NBPF3: variants seen among roughly 807,000 people sequenced by gnomAD.
NBPF3 encodes NBPF family member NBPF3.
NBPF3 carries 57 observed loss-of-function variants against 78.1 expected under a neutral mutation model. The observed-to-expected ratio is 0.73, with a 90% confidence interval of 0.59 to 0.91. NBPF3 has a LOEUF of 0.91. NBPF3 is among the 40% of genes least tolerant of loss of function. The pLI is 0.00. For synonymous variants in NBPF3, 182 were observed against 271.7 expected (o/e 0.67, Z 3.25); for missense variants, 510 against 715.3 (o/e 0.71, Z 3.27).
rs1175833827 is a variant in NBPF3 at position 21,470,483 on chromosome 1, T to C, written c.344-149T>C. 3 of 525,348 alleles carry C rather than the reference T, an allele frequency of 5.7e-6. No homozygotes were observed. In the Admixed American group the frequency reaches 9.6e-5, roughly 17 times the overall value. The allele number at this position is 525,348 out of a possible 1,614,324, so 32.5% of individuals were successfully genotyped here. ...ATCAGCTGCCAGTAAGTCGGGAGAC[T>C]GAAGAGTAAAGATGTGGAAATCCCT... On this transcript the variant is annotated intron_variant, in intron 3 of 14. Transcript: ENST00000318249.
chr1:21,473,507 G>A lies in NBPF3; in HGVS notation c.862G>A (p.Glu288Lys). The A allele has an allele frequency of 6.2e-7, 1 of 1,614,170 alleles. No individual in the cohort carries two copies. Among genetic ancestry groups the A allele is most frequent in the Non-Finnish European group, 8.5e-7 (1 of 1,180,030 alleles). Residue 288 changes from glutamate (E) to lysine (K), a missense_variant, in exon 7 of 15, where the codon GAG (glutamate) becomes AAG (lysine). By Grantham distance (56) the Glu-to-Lys change is moderately conservative. Around this residue, in one of 5 missense-constraint regions of NBPF3, gnomAD observed 440 missense variants for 478.2 expected, o/e 0.92. Transcript: ENST00000318249. ...QPYGNTRITF[E>K]EDQVDSTLID... ...TTACGGGAACACCAGAATCACATTT[G>A]AGGAAGACCAAGTCGACTCAACTCT...
chr1:21,444,431 A>T (rs11589892), intron 1 of NBPF3, among the ~76,000 whole-genome samples: 2,139 of 152,370 alleles, frequency 0.014, 57 homozygotes, highest in African/African-American at 0.048. Flanking sequence ...AGATAGTTCA[A>T]TAAGCATTAA....
intron 10 of NBPF3, among the ~76,000 whole-genome samples, chr1:21,479,820 C>CTCTCTGTGTGTGTG (rs766796014): frequency 5.5e-4 from 57 of 102,876 alleles, no homozygotes; most frequent in African/African-American, 1.3e-3. Context: ...CTCTCTCTCT[C>CTCTCTGTGTGTGTG]TGTGTGTGTG....
chr1:21,457,444 A>C (rs1305426131), intron 2 of NBPF3, among the ~76,000 whole-genome samples: 1 of 151,564 alleles, frequency 6.6e-6, no homozygotes, highest in Non-Finnish European at 1.5e-5. Flanking sequence ...ATGTCTAATA[A>C]GAAACAACAC....
intron 4 of NBPF3, among the ~76,000 whole-genome samples, 175 bp from the exon 5 acceptor site, chr1:21,471,394 C>T (rs765209481): frequency 1.3e-5 from 2 of 152,182 alleles, no homozygotes; most frequent in Non-Finnish European, 2.9e-5. Flanking sequence ...ACAGAGGAAG[C>T]CTGTGAACCA....
intron 2 of NBPF3, among the ~76,000 whole-genome samples, chr1:21,463,304 G>A (rs1466547737): frequency 6.6e-6 from 1 of 152,168 alleles, no homozygotes; most frequent in African/African-American, 2.4e-5. Flanking sequence ...TCGGGTTAAG[G>A]CCAAGCTGAA....
chr1:21,438,105 C>A, upstream of NBPF3, among the ~76,000 whole-genome samples: 1 of 151,578 alleles, frequency 6.6e-6, no homozygotes, highest in Middle Eastern at 3.4e-3. Context: ...CAGGCGTGAG[C>A]CACCATGCCT....
rs183116645 is a variant in NBPF3, at chr1:21,482,176, G to T, written c.1607-308G>T. Among the ~76,000 whole-genome samples the T allele has an allele frequency of 5.5e-4, 83 of 150,442 alleles. 4 individuals carry two copies. Among genetic ancestry groups the T allele is most frequent in the African/African-American group, 1.6e-3 (66 of 40,378 alleles). On this transcript the variant is annotated intron_variant, in intron 13 of 14. Coordinates refer to ENST00000318249, the MANE Select transcript of NBPF3 (RefSeq NM_032264.6). Reference sequence around the variant, plus strand: ...GCTGAATATTGCAGTTTTTCTCCTAGAAATCGTTTGAGGGCATTTGCTTTA... The same window carrying T: ...GCTGAATATTGCAGTTTTTCTCCTATAAATCGTTTGAGGGCATTTGCTTTA...
In NBPF3 at chr1:21,460,331, G is replaced by A. The variant is rs562728087; in HGVS notation, c.134-8357G>A. On this transcript the variant is annotated intron_variant, in intron 2 of 14. Coordinates refer to ENST00000318249, the MANE Select transcript of NBPF3 (RefSeq NM_032264.6). This position sits in a 1 kb window ranked among gnomAD's most constrained non-coding sequence, Gnocchi z 4.2. ...GTTGGTTTGCTGCACCCATTAACTC[G>A]TCATTTACATTCGGTATTTCTCCTA... Among the ~76,000 whole-genome samples, 2 of 152,256 alleles carry A rather than the reference G, an allele frequency of 1.3e-5. No homozygotes were observed. The highest frequency in any genetic ancestry group is 2.1e-4 in the South Asian group (1 of 4,830).
chr1:21,437,560 A>G, upstream of NBPF3: 1 of 1,117,140 alleles, frequency 9.0e-7, no homozygotes, highest in Non-Finnish European at 1.2e-6. Flanking sequence ...GCTGGGGGCT[A>G]CTGAAGAATA....
upstream of NBPF3, among the ~76,000 whole-genome samples, chr1:21,439,951 C>A (rs913630905): frequency 1.3e-5 from 2 of 152,150 alleles, no homozygotes; most frequent in Non-Finnish European, 2.9e-5. Context: ...CAGCTGCACT[C>A]GGTGCATCAC....
At chr1:21,445,481 G>A (rs1640914200) in intron 2 of NBPF3, among the ~76,000 whole-genome samples, 1 of 152,070 alleles carries the variant, frequency 6.6e-6, no homozygotes. Flanking sequence ...TTCCTTACTA[G>A]CTAGATCTGC....
intron 2 of NBPF3, among the ~76,000 whole-genome samples, chr1:21,462,966 T>C (rs984763140): frequency 2.0e-5 from 3 of 152,086 alleles, no homozygotes; most frequent in East Asian, 3.8e-4. Flanking sequence ...TTTATCCATG[T>C]TAAAATTGTA....
intron 2 of NBPF3, chr1:21,468,228 T>C (rs1422686491): frequency 9.1e-6 from 2 of 220,314 alleles, no homozygotes; most frequent in African/African-American, 2.3e-5. Context: ...ATGAGGAATG[T>C]GCTTAGATGT....
chr1:21,453,251 C>T (rs1158476351), intron 2 of NBPF3: 1 of 152,140 alleles, frequency 6.6e-6, no homozygotes, highest in Non-Finnish European at 1.5e-5. Flanking sequence ...CTTCCCTCTC[C>T]CTCCCTGCTC....
At position 21,479,820 on chromosome 1, in the gene NBPF3, C is replaced by CTGTGTGTGTGTGTGTGTGTGTG. The variant is rs59451117; in HGVS notation, c.1209-219_1209-198dup. ...TCTCTCTCTCTCTCTCTCTCTCTCTCTGTGTGTGTGTGTGTGTGTGTGTGT... is the reference window on the plus strand; with the variant it reads ...TCTCTCTCTCTCTCTCTCTCTCTCTCTGTGTGTGTGTGTGTGTGTGTGTGTGTGTGTGTGTGTGTGTGTGTGT... On this transcript the variant is annotated intron_variant, in intron 10 of 14. Coordinates refer to ENST00000318249, the MANE Select transcript of NBPF3 (RefSeq NM_032264.6). 2.6e-3 allele frequency among the ~76,000 whole-genome samples: 269 copies of CTGTGTGTGTGTGTGTGTGTGTG among 102,848 alleles called. 5 individuals are homozygous for CTGTGTGTGTGTGTGTGTGTGTG. The highest frequency in any genetic ancestry group is 7.8e-3 in the South Asian group (17 of 2,172). The allele number at this position is 102,848 out of a possible 152,430, so 67.5% of individuals were successfully genotyped here. A position where few individuals can be genotyped will look rare whatever the true frequency, so the allele number is the denominator to read the frequency against.
At chr1:21,439,647 AT>A (rs200813916), upstream of NBPF3, among the ~76,000 whole-genome samples, 9,718 of 147,646 alleles carry the variant, frequency 0.066, 361 homozygotes, top group East Asian at 0.18. Flanking sequence ...GTACTATTTG[AT>A]TTTTTTTTTT....
chr1:21,468,276 G>A (rs1360645305), intron 2 of NBPF3: 7 of 498,106 alleles, frequency 1.4e-5, no homozygotes, highest in African/African-American at 2.0e-5. Context: ...TGTCACAAGG[G>A]TACACGAACA....
intron 4 of NBPF3, 47 bp downstream of exon 4, chr1:21,470,781 T>C: frequency 7.6e-7 from 1 of 1,307,266 alleles, no homozygotes; most frequent in Non-Finnish European, 1.1e-6. Flanking sequence ...TGTGTAAATA[T>C]CTGAAGTACA....
Sources: allele counts gnomAD v4.1 joint callset (sites outside exome capture counted in the v4.1 genomes callset), GRCh38; gene constraint gnomAD v4.1.1; regional missense constraint gnomAD v4.1.1; non-coding constraint Gnocchi (gnomAD v3.1); transcripts MANE v1.5; gene names NCBI Gene and HGNC (gene_info 2026-07-23, HGNC 2026-07-21).